The following RIMS1 variants were observed in gnomAD, a reference collection of about 807,000 sequenced individuals.
RIMS1 encodes the protein regulating synaptic membrane exocytosis protein 1.
A neutral mutation model predicts 214.1 loss-of-function variants in RIMS1; 83 were observed. The observed-to-expected ratio is 0.39, with a 90% confidence interval of 0.32 to 0.47. RIMS1 has a LOEUF of 0.47. Ranked by LOEUF, RIMS1 falls within the 20% of genes least tolerant of loss-of-function variation. RIMS1 has a pLI of 0.99. For missense variants in RIMS1, 2,050 were observed against 2,161.8 expected (o/e 0.95, Z 1.03); for synonymous variants, 793 against 786.8 (o/e 1.01, Z -0.13).
intron 17 of RIMS1, 57 bp from the exon 18 acceptor site, chr6:72,258,929 T>C (rs2076923299): frequency 6.5e-7 from 1 of 1,547,006 alleles, no homozygotes; most frequent in East Asian, 2.2e-5. Flanking sequence ...TTAGTCTGTC[T>C]GCCTGTTTTG....
intron 1 of RIMS1, among the ~76,000 whole-genome samples, chr6:71,956,520 T>C (rs966733575): frequency 6.6e-6 from 1 of 152,162 alleles, no homozygotes; most frequent in East Asian, 1.9e-4. Context: ...TCACTTTTCT[T>C]GGTGTTAGAT....
chr6:72,393,306 A>C (rs1415579637), intron 31 of RIMS1, among the ~76,000 whole-genome samples: 1 of 152,236 alleles, frequency 6.6e-6, no homozygotes, highest in Non-Finnish European at 1.5e-5. Context: ...AAAGAACTTC[A>C]GCAAAATGCA....
At chr6:72,329,653 T>C (rs552126633) in intron 28 of RIMS1, among the ~76,000 whole-genome samples, 22 of 151,834 alleles carry the variant, frequency 1.4e-4, no homozygotes, top group Non-Finnish European at 1.2e-4. Flanking sequence ...AAATGACCCT[T>C]AGGTGCTCTT....
At chr6:72,305,087 A>G (rs2095026238) in intron 26 of RIMS1, among the ~76,000 whole-genome samples, 1 of 152,024 alleles carries the variant, frequency 6.6e-6, no homozygotes, top group Non-Finnish European at 1.5e-5. Flanking sequence ...TAGTTGTATT[A>G]CCAGTCTTTT....
intron 2 of RIMS1, among the ~76,000 whole-genome samples, chr6:72,026,461 C>G (rs541562207): frequency 1.4e-5 from 2 of 140,932 alleles, no homozygotes; most frequent in African/African-American, 2.6e-5. Flanking sequence ...CACCGCCCCC[C>G]CCCCCAACTT....
At chr6:72,330,177 C>A (rs1369688180) in intron 28 of RIMS1, among the ~76,000 whole-genome samples, 1 of 151,700 alleles carries the variant, frequency 6.6e-6, no homozygotes, top group African/African-American at 2.4e-5. Context: ...AATTCTTTGA[C>A]AAATGCATGA....
intron 26 of RIMS1, among the ~76,000 whole-genome samples, chr6:72,297,109 A>G (rs2094171028): frequency 6.6e-6 from 1 of 151,978 alleles, no homozygotes; most frequent in Non-Finnish European, 1.5e-5. Context: ...ATACATATAT[A>G]TATTATTCTG....
intron 1 of RIMS1, among the ~76,000 whole-genome samples, chr6:71,906,178 G>T (rs1228318462): frequency 6.6e-6 from 1 of 152,134 alleles, no homozygotes; most frequent in Non-Finnish European, 1.5e-5. Flanking sequence ...TTAAACAATG[G>T]CTTCTATCTT....
At chr6:72,349,158 G>A (rs1035628899) in intron 29 of RIMS1, among the ~76,000 whole-genome samples, 8 of 151,982 alleles carry the variant, frequency 5.3e-5, no homozygotes, top group Middle Eastern at 6.8e-3. Flanking sequence ...TCTTACAACC[G>A]AAAAATGTGG....
chr6:72,055,670 A>G (rs1279679244), intron 2 of RIMS1, among the ~76,000 whole-genome samples: 1 of 151,746 alleles, frequency 6.6e-6, no homozygotes, highest in African/African-American at 2.4e-5. Flanking sequence ...TATTATTTTT[A>G]CTTCACTAAT....
chr6:72,381,494 T>A (rs939034094), intron 29 of RIMS1, among the ~76,000 whole-genome samples: 1 of 152,262 alleles, frequency 6.6e-6, no homozygotes, highest in Non-Finnish European at 1.5e-5. Flanking sequence ...CCCGCTCTCT[T>A]ATCTGGCTTT....
intron 29 of RIMS1, among the ~76,000 whole-genome samples, chr6:72,368,387 C>T (rs1009132152): frequency 3.4e-5 from 5 of 148,784 alleles, no homozygotes; most frequent in African/African-American, 1.0e-4. Flanking sequence ...CTGTAAGCTC[C>T]GCCTCACAGG....
At chr6:71,943,783 G>T (rs180853874) in intron 1 of RIMS1, among the ~76,000 whole-genome samples, 1 of 152,056 alleles carries the variant, frequency 6.6e-6, no homozygotes, top group Non-Finnish European at 1.5e-5. Context: ...TCAGCTTTCC[G>T]ATGGCGTATT....
At chr6:72,286,490 C>T (rs2092333504) in intron 24 of RIMS1, among the ~76,000 whole-genome samples, 2 of 152,124 alleles carry the variant, frequency 1.3e-5, no homozygotes, top group Admixed American at 6.5e-5. Flanking sequence ...AGTACTCTTG[C>T]CTTTCCTTTG....
intron 10 of RIMS1, among the ~76,000 whole-genome samples, chr6:72,243,968 C>CTTTT (rs1220455350): frequency 7.1e-6 from 1 of 141,326 alleles, no homozygotes; most frequent in Non-Finnish European, 1.6e-5. Context: ...ATTTTAGCTG[C>CTTTT]TTTTTTTTTT....
At chr6:71,947,374 T>C (rs1788170646) in intron 1 of RIMS1, among the ~76,000 whole-genome samples, 1 of 152,094 alleles carries the variant, frequency 6.6e-6, no homozygotes, top group Admixed American at 6.5e-5. Flanking sequence ...TTCAACCTTA[T>C]AAAAGAAAAT....
In RIMS1 at chr6:72,182,455, A is replaced by C; in HGVS notation, c.984A>C (p.Pro328=). The change falls in exon 6 of 34, where the codon CCA becomes CCC. Residue 328 remains proline, a synonymous_variant. Transcript: ENST00000521978. ...AGAAAGGGCGATCACAGGATTACCC[A>C]GACACGCCGGAAAAACGGGATGAGG... ...RLEKGRSQDY[P]DTPEKRDEGK... is the part of the protein sequence containing the mutation. 17 of 1,613,764 alleles carry C rather than the reference A, an allele frequency of 1.1e-5. No homozygotes were observed. Among genetic ancestry groups the C allele is most frequent in the Non-Finnish European group, 1.4e-5 (16 of 1,179,770 alleles).
intron 6 of RIMS1, among the ~76,000 whole-genome samples, chr6:72,224,927 G>A (rs937678484): frequency 1.3e-5 from 2 of 152,116 alleles, no homozygotes; most frequent in Admixed American, 1.3e-4. Flanking sequence ...TTATTAATAT[G>A]GCTATCTAGA....
chr6:71,995,451 C>CAT, intron 2 of RIMS1, among the ~76,000 whole-genome samples: 1 of 144,502 alleles, frequency 6.9e-6, no homozygotes. Flanking sequence ...TGTAATATGA[C>CAT]GTGTGTGTGT....
Sources: gnomAD v4.1 joint callset for allele counts (sites outside exome capture counted in the v4.1 genomes callset) on GRCh38, gnomAD v4.1.1 for gene constraint, MANE v1.5 for transcripts, NCBI Gene and HGNC (gene_info 2026-07-23, HGNC 2026-07-21) for gene names.